LARS1: variants seen among roughly 807,000 people sequenced by gnomAD.
The protein encoded by LARS1 is leucyl-tRNA synthetase 1, also known as leucine--tRNA ligase, cytoplasmic.
Under a neutral mutation model 162.8 loss-of-function variants are expected in LARS1, and 100 were observed. The observed-to-expected ratio is 0.61, with a 90% CI of 0.52 to 0.73. The LOEUF is 0.73. Among genes scored for constraint, LARS1 ranks in the 30% least tolerant of loss-of-function variants. The pLI is 0.00. For synonymous variants in LARS1, 457 were observed against 462.8 expected (o/e 0.99, Z 0.16); for missense variants, 1,258 against 1,408.9 (o/e 0.89, Z 1.71).
At position 146,182,489 on chromosome 5, in the gene LARS1, G is replaced by A. The variant is rs200031890; in HGVS notation, c.5C>T (p.Ala2Val). The change falls in exon 1 of 32, where the codon GCG (alanine) becomes GTG (valine). Residue 2 changes from alanine (A) to valine (V), a missense_variant and splice_region_variant. By Grantham distance (64) the Ala-to-Val change is moderately conservative. Transcript: ENST00000394434. Reference protein sequence around the residue: MAERKGTAKVDF... With the variant: MVERKGTAKVDF... ...CGGATTCTTCTCGCTCAAACTCACC[G>A]CCATTGCACCGCCCAGCCGACTGTG... is the stretch of plus-strand genomic sequence containing the variant. The A allele has an allele frequency of 2.5e-6, 4 of 1,613,800 alleles. No individual in the cohort carries two copies. Among genetic ancestry groups the A allele is most frequent in the South Asian group, 2.2e-5 (2 of 91,066 alleles).
chr5:146,168,399 C>T (rs1344016093), intron 4 of LARS1, 134 bp from the exon 5 acceptor site: 4 of 870,278 alleles, frequency 4.6e-6, no homozygotes, highest in South Asian at 2.0e-5. Flanking sequence ...GGCTCCACTA[C>T]AGAAAACTGA....
chr5:146,173,181 C>G (rs1050972187), intron 2 of LARS1, among the ~76,000 whole-genome samples: 4 of 151,974 alleles, frequency 2.6e-5, no homozygotes, highest in Admixed American at 2.0e-4. Flanking sequence ...AACCCTGTCT[C>G]TACTAAAAAC....
At chr5:146,159,261 T>C in intron 8 of LARS1, 146 bp downstream of exon 8, 1 of 581,752 alleles carries the variant, frequency 1.7e-6, no homozygotes, top group Non-Finnish European at 3.1e-6. Context: ...CCTGTATTGA[T>C]ATTCTATCTC....
At chr5:146,121,640 G>A (rs549385481) in intron 30 of LARS1, among the ~76,000 whole-genome samples, 1 of 152,144 alleles carries the variant, frequency 6.6e-6, no homozygotes, top group African/African-American at 2.4e-5. Context: ...GGAATACTAT[G>A]CAGCCATAAA....
At chr5:146,122,390 C>T in intron 30 of LARS1, 102 bp downstream of exon 30, 1 of 649,296 alleles carries the variant, frequency 1.5e-6, no homozygotes, top group Non-Finnish European at 2.7e-6. Context: ...TTTCTCTGGA[C>T]CTTACTTTGT....
chr5:146,142,848 G>A, intron 20 of LARS1, 24 bp downstream of exon 20: 1 of 1,570,504 alleles, frequency 6.4e-7, no homozygotes, highest in South Asian at 1.1e-5. Flanking sequence ...AATAAATCTA[G>A]TCCACACCTA....
chr5:146,127,977 T>C (rs1030744870), intron 27 of LARS1, among the ~76,000 whole-genome samples: 1 of 152,172 alleles, frequency 6.6e-6, no homozygotes, highest in Non-Finnish European at 1.5e-5. Context: ...TCTCTCTTTT[T>C]AAAGTGCACC....
intron 21 of LARS1, 134 bp from the exon 22 acceptor site, chr5:146,135,798 A>G: frequency 1.7e-6 from 1 of 597,286 alleles, no homozygotes; most frequent in Non-Finnish European, 2.8e-6. Flanking sequence ...AGGAAAAGAT[A>G]TTACACTAAT....
chr5:146,121,811 C>T (rs1751834096), intron 30 of LARS1, among the ~76,000 whole-genome samples: 1 of 152,084 alleles, frequency 6.6e-6, no homozygotes. Flanking sequence ...GAATATCACA[C>T]ACCAGGGCCT....
At chr5:146,152,540 A>C (rs34706167) in intron 13 of LARS1, among the ~76,000 whole-genome samples, 1,585 of 152,242 alleles carry the variant, frequency 0.01, 4 homozygotes, top group African/African-American at 0.014. Context: ...TGAGAATCTA[A>C]TGCCTGATGA....
chr5:146,145,287 G>A (rs1287919785), intron 15 of LARS1, among the ~76,000 whole-genome samples: 2 of 151,536 alleles, frequency 1.3e-5, no homozygotes, highest in Non-Finnish European at 2.9e-5. Context: ...GTCTCACTAT[G>A]TTGCCCAGGC....
intron 31 of LARS1, among the ~76,000 whole-genome samples, chr5:146,119,208 G>C (rs777735056): frequency 2.0e-5 from 3 of 152,066 alleles, no homozygotes; most frequent in Non-Finnish European, 4.4e-5. Flanking sequence ...ACTAGATGCA[G>C]CTCCTAATGA....
At chr5:146,125,522 A>G (rs55812375) in intron 28 of LARS1, among the ~76,000 whole-genome samples, 33,785 of 151,858 alleles carry the variant, frequency 0.22, 4,814 homozygotes, top group Admixed American at 0.34. Flanking sequence ...CTTCTTGACT[A>G]GTGCTACTTA....
intron 2 of LARS1, among the ~76,000 whole-genome samples, chr5:146,175,375 T>C (rs1561499168): frequency 6.7e-6 from 1 of 149,928 alleles, no homozygotes; most frequent in Non-Finnish European, 1.5e-5. Flanking sequence ...CCGTCTCTAT[T>C]AAAAACAAAA....
At chr5:146,157,936 G>C (rs1753606228) in intron 8 of LARS1, 141 bp from the exon 9 acceptor site, 2 of 756,854 alleles carry the variant, frequency 2.6e-6, no homozygotes, top group African/African-American at 3.5e-5. Flanking sequence ...GAGATTGCCA[G>C]TGGTGTGCTA....
chr5:146,126,593 A>G (rs1488053219), intron 27 of LARS1, 48 bp from the exon 28 acceptor site: 2 of 1,284,070 alleles, frequency 1.6e-6, no homozygotes, highest in Middle Eastern at 1.8e-4. Flanking sequence ...AAGTCTCAAG[A>G]ATAAGGCAGA....
intron 5 of LARS1, among the ~76,000 whole-genome samples, chr5:146,166,696 G>A (rs1037216535): frequency 2.6e-5 from 4 of 152,168 alleles, no homozygotes; most frequent in African/African-American, 7.2e-5. Flanking sequence ...TAAAAAGAAA[G>A]AGGAAAATGG....
intron 13 of LARS1, among the ~76,000 whole-genome samples, chr5:146,152,220 AC>A: frequency 6.6e-6 from 1 of 151,376 alleles, no homozygotes; most frequent in East Asian, 1.9e-4. Context: ...GTGTACCAAC[AC>A]CCCCAATGCC....
intron 7 of LARS1, among the ~76,000 whole-genome samples, chr5:146,160,169 G>A (rs1753714882): frequency 6.6e-6 from 1 of 152,008 alleles, no homozygotes; most frequent in South Asian, 2.1e-4. Flanking sequence ...CAAGTAGCTA[G>A]GACTACAGGT....
Sources: gnomAD v4.1 joint callset for allele counts (sites outside exome capture counted in the v4.1 genomes callset) on GRCh38, gnomAD v4.1.1 for gene constraint, MANE v1.5 for transcripts, NCBI Gene and HGNC (gene_info 2026-07-23, HGNC 2026-07-21) for gene names.